The following UTP20 variants were observed in gnomAD, a reference collection of about 807,000 sequenced individuals.
UTP20 encodes UTP20 small subunit processome component.
A neutral mutation model predicts 329.5 loss-of-function variants in UTP20; 164 were observed. That is an observed-to-expected ratio of 0.50 (90% CI 0.44 to 0.57). The LOEUF is 0.57. Among genes scored for constraint, UTP20 ranks in the 20% least tolerant of loss-of-function variants. UTP20 has a pLI of 0.00. For synonymous variants in UTP20, 1,151 were observed against 1,159.3 expected, an observed-to-expected ratio of 0.99 and a Z score of 0.14; for missense variants, 3,055 against 3,284.2, an observed-to-expected ratio of 0.93 and a Z score of 1.71.
At chr12:101,373,006 C>G (rs745892880) in intron 52 of UTP20, 43 bp downstream of exon 52, 2 of 1,508,364 alleles carry the variant, frequency 1.3e-6, no homozygotes, top group Non-Finnish European at 1.8e-6. Flanking sequence ...AGGGTAGTTT[C>G]TTCTTTCCCT....
chr12:101,375,017 C>A, intron 55 of UTP20, 78 bp downstream of exon 55: 1 of 996,186 alleles, frequency 1.0e-6, no homozygotes, highest in South Asian at 1.4e-5. Flanking sequence ...GATTAGATAT[C>A]AGCTTATAGG....
rs1469209057 is a variant in UTP20, at chr12:101,281,250, TTC to T, written c.126+56_126+57del. 9 of 1,467,100 alleles carry T rather than the reference TTC, an allele frequency of 6.1e-6. No individual in the cohort carries two copies. In the East Asian group the frequency reaches 2.0e-4, roughly 33 times the overall value. The allele number at this position is 1,467,100 out of a possible 1,614,324, so 90.9% of individuals were successfully genotyped here. A position where few individuals can be genotyped will look rare whatever the true frequency, so the allele number is the denominator to read the frequency against. On this transcript the variant is annotated intron_variant, in intron 2 of 61. Transcript: ENST00000261637. Reference sequence around the variant, plus strand: ...CAAGTGTTCATGGTGTTTTAGTTTCTTCTGTTAGTAGAAGTGAATTGTTTTTC... The same window carrying T: ...CAAGTGTTCATGGTGTTTTAGTTTCTTGTTAGTAGAAGTGAATTGTTTTTC...
In UTP20 at chr12:101,375,706, G is replaced by A; in HGVS notation, c.7346G>A (p.Cys2449Tyr). ...CTGATAACTAAACTTATCAAGGAAT[G>A]TAATATTATTCAGTTTACCAAACCC... ...LTLITKLIKECNIIQFTKPAE... is the reference protein window; with the variant it reads ...LTLITKLIKEYNIIQFTKPAE... The change falls in exon 56 of 62, where the codon TGT (cysteine) becomes TAT (tyrosine). Residue 2449 changes from cysteine (C) to tyrosine (Y), a missense_variant. Cys to Tyr is a radical substitution (Grantham distance 194). Transcript: ENST00000261637. 2 of 1,603,676 alleles carry A rather than the reference G, an allele frequency of 1.2e-6. No homozygotes were observed. Among genetic ancestry groups the A allele is most frequent in the Admixed American group, 3.4e-5 (2 of 59,566 alleles).
chr12:101,289,525 A>T (rs747406169), intron 6 of UTP20, among the ~76,000 whole-genome samples: 2 of 152,158 alleles, frequency 1.3e-5, no homozygotes, highest in Non-Finnish European at 2.9e-5. Flanking sequence ...ATCTGTTACT[A>T]TTTTGAATTT....
At position 101,295,542 on chromosome 12, in the gene UTP20, C is replaced by T; in HGVS notation, c.1314C>T (p.Val438=). 6.2e-7 allele frequency: 1 copy of T among 1,612,834 alleles called. No homozygotes were observed. The highest frequency in any genetic ancestry group is 8.5e-7 in the Non-Finnish European group (1 of 1,179,542). The change falls in exon 12 of 62, where the codon GTC becomes GTT. Residue 438 remains valine (V), a synonymous_variant. Coordinates refer to ENST00000261637, the MANE Select transcript of UTP20 (RefSeq NM_014503.3). ...GCTTCTTAATTGATGATGCTGTAGT[C>T]AAAGATGAAGCTCTGGCCATTCTGG... ...VNCFLIDDAV[V]KDEALAILAK...
chr12:101,309,678 C>G, intron 18 of UTP20, 85 bp from the exon 19 acceptor site: 1 of 1,365,146 alleles, frequency 7.3e-7, no homozygotes. Flanking sequence ...CTCAGGTTGT[C>G]CAACTTGGGA....
At chr12:101,361,441 T>G (rs989081834) in intron 43 of UTP20, among the ~76,000 whole-genome samples, 1 of 151,508 alleles carries the variant, frequency 6.6e-6, no homozygotes, top group African/African-American at 2.4e-5. Context: ...CTGGCCAACA[T>G]GATGAAACCC....
At chr12:101,366,997 T>A (rs1194916276) in intron 47 of UTP20, among the ~76,000 whole-genome samples, 5 of 151,878 alleles carry the variant, frequency 3.3e-5, no homozygotes. Context: ...AGATGGTGAG[T>A]GGCCAGACAT....
chr12:101,354,762 A>G, intron 40 of UTP20, 70 bp from the exon 41 acceptor site: 1 of 1,522,306 alleles, frequency 6.6e-7, no homozygotes, highest in South Asian at 1.3e-5. Context: ...TTGGTGGGAA[A>G]AACTGCTTAC....
chr12:101,285,219 T>C (rs184724419), intron 2 of UTP20, among the ~76,000 whole-genome samples: 1 of 152,304 alleles, frequency 6.6e-6, no homozygotes, highest in African/African-American at 2.4e-5. Flanking sequence ...GTTGTAGTAA[T>C]TCATATTTCT....
chr12:101,292,824 G>A (rs1235687676), intron 10 of UTP20, among the ~76,000 whole-genome samples: 1 of 152,160 alleles, frequency 6.6e-6, no homozygotes, highest in Non-Finnish European at 1.5e-5. Context: ...GATGAGATTT[G>A]CATTTTAGTG....
At chr12:101,352,022 G>A in intron 38 of UTP20, 33 bp from the exon 39 acceptor site, 1 of 1,609,626 alleles carries the variant, frequency 6.2e-7, no homozygotes, top group Non-Finnish European at 8.5e-7. Flanking sequence ...GCAAATACTT[G>A]TTCTGCATTG....
rs529756894 is a variant in UTP20, at chr12:101,334,339, G to A, written c.3562-86G>A. ...TCCCTTGTCTTTTTCATCCTGTGCTGTGATTTCTGTACTTGTTAGTTATTT... is the reference window on the plus strand; with the variant it reads ...TCCCTTGTCTTTTTCATCCTGTGCTATGATTTCTGTACTTGTTAGTTATTT... On this transcript the variant is annotated intron_variant, in intron 28 of 61. Coordinates refer to ENST00000261637, the MANE Select transcript of UTP20 (RefSeq NM_014503.3). 301 of 1,134,518 alleles carry A rather than the reference G, an allele frequency of 2.7e-4. No homozygotes were observed. The African/African-American group carries it at 4.0e-3, about 15-fold the overall frequency. 70.3% of individuals were successfully genotyped at this position (1,134,518 alleles called of 1,614,324 possible).
At chr12:101,339,379 G>A (rs1869046328) in intron 31 of UTP20, among the ~76,000 whole-genome samples, 1 of 152,042 alleles carries the variant, frequency 6.6e-6, no homozygotes. Context: ...GTTGGAATCT[G>A]GCAATAAGAA....
chr12:101,361,820 CTA>C (rs1869931007), intron 43 of UTP20, 140 bp from the exon 44 acceptor site: 4 of 658,988 alleles, frequency 6.1e-6, no homozygotes, highest in South Asian at 1.8e-5. Context: ...AGTGAAATAA[CTA>C]TGTGTCATTT....
chr12:101,340,923 G>T (rs1291677593), intron 32 of UTP20, among the ~76,000 whole-genome samples: 2 of 128,470 alleles, frequency 1.6e-5, no homozygotes, highest in South Asian at 2.8e-4. Flanking sequence ...AACCCAAGAA[G>T]TGCATTGTGT....
chr12:101,371,245 T>A, intron 51 of UTP20, 77 bp downstream of exon 51: 4 of 1,051,234 alleles, frequency 3.8e-6, no homozygotes, highest in Non-Finnish European at 4.1e-6. Context: ...CAACACTGGC[T>A]GAATTCTGAA....
Position 101,363,672 on chromosome 12 carries a change from G to C in UTP20, c.5887G>C (p.Asp1963His), listed in dbSNP as rs867034932. Reference sequence around the variant, plus strand: ...GGAAGCACGAAGAAGCAAAAGTTACGACTCTTATGAAATCCTCGGCAAGTT... The same window carrying C: ...GGAAGCACGAAGAAGCAAAAGTTACCACTCTTATGAAATCCTCGGCAAGTT... ...VMEARRSKSY[D>H]SYEILGKFVG... The change falls in exon 45 of 62, where the codon GAC becomes CAC. Residue 1963 changes from aspartate (D) to histidine (H), a missense_variant. Physicochemically the swap from Asp to His is moderately conservative, Grantham distance 81. This residue lies in a region of UTP20 where 2,445 missense variants were observed against 2,575.5 expected (regional missense o/e 0.95). Transcript: ENST00000261637. 1 of 1,613,328 alleles carries C rather than the reference G, an allele frequency of 6.2e-7. No individual in the cohort carries two copies. The highest frequency in any genetic ancestry group is 8.5e-7 in the Non-Finnish European group (1 of 1,179,314).
At chr12:101,365,979 C>T (rs1870084471) in intron 46 of UTP20, among the ~76,000 whole-genome samples, 1 of 151,784 alleles carries the variant, frequency 6.6e-6, no homozygotes, top group African/African-American at 2.4e-5. Flanking sequence ...GCCTGTAATC[C>T]CAGCACTTTG....
Sources: allele counts gnomAD v4.1 joint callset (sites outside exome capture counted in the v4.1 genomes callset), GRCh38; gene constraint gnomAD v4.1.1; regional missense constraint gnomAD v4.1.1; transcripts MANE v1.5; gene names NCBI Gene and HGNC (gene_info 2026-07-23, HGNC 2026-07-21).